Variants in FGF12 observed in about 807,000 individuals in gnomAD.
FGF12 encodes the protein fibroblast growth factor 12, also known as fibroblast growth factor 12B.
In FGF12, 14 loss-of-function variants were observed where a neutral mutation model predicts 23.6. That is an observed-to-expected ratio of 0.59 (90% confidence interval 0.39 to 0.93). FGF12 has a LOEUF of 0.93. Ranked by LOEUF, FGF12 falls within the 40% of genes least tolerant of loss-of-function variation. The pLI is 0.00. For synonymous variants in FGF12, 62 were observed against 77.3 expected (o/e 0.80, Z 1.04); for missense variants, 175 against 217.8 (o/e 0.80, Z 1.24).
chr3:192,335,335 A>C, intron 4 of FGF12, 26 bp downstream of exon 4: 2 of 1,484,090 alleles, frequency 1.3e-6, no homozygotes. Context: ...ACACATACAC[A>C]CAAATACACA....
Position 192,642,981 on chromosome 3 carries a change from A to G in FGF12, c.13+84200T>C, listed in dbSNP as rs77924194. On this transcript the variant is annotated intron_variant, in intron 2 of 5. Coordinates refer to ENST00000445105, the MANE Select transcript of FGF12 (RefSeq NM_004113.6). The stretch of plus-strand genomic sequence containing the variant: ...GCTCTGACTTACAGTAAGATCACCT[A>G]TCAATTACGTTTTCTTACCAGCAGC... 5.4e-4 allele frequency among the ~76,000 whole-genome samples: 82 copies of G among 152,304 alleles called. 1 individual carries two copies. The East Asian group carries it at 0.015, about 27-fold the overall frequency.
intron 2 of FGF12, among the ~76,000 whole-genome samples, chr3:192,529,105 G>A (rs1021337664): frequency 3.9e-5 from 6 of 152,178 alleles, no homozygotes; most frequent in African/African-American, 1.2e-4. Flanking sequence ...CTTTTCTATC[G>A]CATTGTCAGG....
rs1718555085 is a variant in FGF12, at chr3:192,358,067, T to C, written c.124+2361A>G. 2.0e-5 allele frequency among the ~76,000 whole-genome samples: 3 copies of C among 151,990 alleles called. No homozygotes were observed. In the South Asian group the frequency reaches 6.2e-4, roughly 31 times the overall value. ...ACAACCATAATATTGGGGATTAAAG[T>C]ACATAAAATATATTTATGATAATGT... On this transcript the variant is annotated intron_variant, in intron 3 of 5. Transcript: ENST00000445105.
chr3:192,596,335 C>A (rs1429153981), intron 2 of FGF12, among the ~76,000 whole-genome samples: 1 of 151,830 alleles, frequency 6.6e-6, no homozygotes, highest in African/African-American at 2.4e-5. Flanking sequence ...CAAAGAAATC[C>A]TAGTAGCCTC....
chr3:192,557,257 A>C (rs1008360978), intron 2 of FGF12, among the ~76,000 whole-genome samples: 7 of 103,528 alleles, frequency 6.8e-5, no homozygotes, highest in Middle Eastern at 4.5e-3. Context: ...AAATCAACAA[A>C]ATTAAGAATT....
chr3:192,653,095 G>C (rs1173066299), intron 2 of FGF12, among the ~76,000 whole-genome samples: 1 of 152,178 alleles, frequency 6.6e-6, no homozygotes, highest in Non-Finnish European at 1.5e-5. Flanking sequence ...TAGAAATTGT[G>C]AAATGCTCTT....
intron 2 of FGF12, among the ~76,000 whole-genome samples, chr3:192,505,374 G>T (rs1724261556): frequency 6.6e-6 from 1 of 151,982 alleles, no homozygotes; most frequent in African/African-American, 2.4e-5. Flanking sequence ...AATCCTTTTG[G>T]AAAAAATATA....
chr3:192,585,091 C>A (rs1229582762), intron 2 of FGF12, among the ~76,000 whole-genome samples: 1 of 152,104 alleles, frequency 6.6e-6, no homozygotes, highest in Admixed American at 6.6e-5. Flanking sequence ...GAAAAAGTTA[C>A]CCTGCTTTCA....
intron 2 of FGF12, among the ~76,000 whole-genome samples, chr3:192,569,220 C>T (rs1360362247): frequency 6.6e-6 from 1 of 152,156 alleles, no homozygotes; most frequent in Non-Finnish European, 1.5e-5. Flanking sequence ...CTCATAACAG[C>T]CTTTGTGGTA....
At chr3:192,335,497 A>G in intron 3 of FGF12, 33 bp from the exon 4 acceptor site, 1 of 1,314,902 alleles carries the variant, frequency 7.6e-7, no homozygotes, top group Non-Finnish European at 1.1e-6. Context: ...GGAAAGGATC[A>G]GTGACCTTTT....
intron 2 of FGF12, among the ~76,000 whole-genome samples, chr3:192,631,023 CTGTCTCCGGTTCCA>C (rs2108656291): frequency 6.6e-6 from 1 of 152,256 alleles, no homozygotes; most frequent in African/African-American, 2.4e-5. Context: ...ATTTACTAAA[CTGTCTCCGGTTCCA>C]TATTCTGGAG....
intron 4 of FGF12, among the ~76,000 whole-genome samples, chr3:192,224,739 A>T (rs1385804833): frequency 6.6e-6 from 1 of 152,112 alleles, no homozygotes; most frequent in Non-Finnish European, 1.5e-5. Context: ...AAAAAGTGTG[A>T]AGTGTCTGGC....
intron 4 of FGF12, among the ~76,000 whole-genome samples, chr3:192,184,157 C>T (rs904851733): frequency 6.6e-6 from 1 of 152,026 alleles, no homozygotes; most frequent in Non-Finnish European, 1.5e-5. Flanking sequence ...CTGGGAGGCA[C>T]GGGTTACAGT....
chr3:192,286,658 T>A (rs912587097), intron 4 of FGF12, among the ~76,000 whole-genome samples: 2 of 152,054 alleles, frequency 1.3e-5, no homozygotes, highest in Non-Finnish European at 2.9e-5. Context: ...GAAAAAGAAA[T>A]CCTTTTATCT....
At chr3:192,443,459 G>A (rs1722264752) in intron 2 of FGF12, among the ~76,000 whole-genome samples, 1 of 152,174 alleles carries the variant, frequency 6.6e-6, no homozygotes, top group African/African-American at 2.4e-5. Context: ...GTAGTAATAA[G>A]TAGGGCTGGA....
chr3:192,478,739 A>C (rs535678885), intron 2 of FGF12, among the ~76,000 whole-genome samples: 1 of 152,334 alleles, frequency 6.6e-6, no homozygotes, highest in African/African-American at 2.4e-5. Context: ...GAAGTTTAGA[A>C]AATTCTTTTA....
intron 2 of FGF12, among the ~76,000 whole-genome samples, chr3:192,624,991 A>T (rs1294233901): frequency 6.6e-6 from 1 of 152,118 alleles, no homozygotes; most frequent in African/African-American, 2.4e-5. Flanking sequence ...TGTCTACTTA[A>T]CAAGCTTGGG....
intron 2 of FGF12, among the ~76,000 whole-genome samples, chr3:192,654,712 C>A (rs1716335463): frequency 6.6e-6 from 1 of 152,232 alleles, no homozygotes; most frequent in Non-Finnish European, 1.5e-5. Flanking sequence ...TAGTCCGTTC[C>A]TTTCCCCACA....
At chr3:192,500,436 A>AGC (rs1724100249) in intron 2 of FGF12, among the ~76,000 whole-genome samples, 1 of 149,166 alleles carries the variant, frequency 6.7e-6, no homozygotes, top group African/African-American at 2.5e-5. Context: ...TAAATCCAAC[A>AGC]TCCCCCCACC....
Sources: allele counts gnomAD v4.1 joint callset (sites outside exome capture counted in the v4.1 genomes callset), GRCh38; gene constraint gnomAD v4.1.1; transcripts MANE v1.5; gene names NCBI Gene and HGNC (gene_info 2026-07-23, HGNC 2026-07-21).